The following NID2 variants were observed in gnomAD, a reference collection of about 807,000 sequenced individuals.
The protein encoded by NID2 is nidogen 2.
Under a neutral mutation model 145.4 loss-of-function variants are expected in NID2, and 83 were observed. That is an observed-to-expected ratio of 0.57 (90% confidence interval 0.48 to 0.69). NID2 has a LOEUF of 0.69. NID2 is among the 30% of genes least tolerant of loss of function. NID2 has a pLI of 0.00. For missense variants in NID2, 1,807 were observed against 1,765.7 expected (o/e 1.02, Z -0.42); for synonymous variants, 739 against 701.3 (o/e 1.05, Z -0.85).
intron 16 of NID2, 185 bp from the exon 17 acceptor site, chr14:52,011,868 T>A: frequency 1.5e-6 from 1 of 657,468 alleles, no homozygotes; most frequent in Non-Finnish European, 2.6e-6. Flanking sequence ...TTAGTAGCCA[T>A]GTGGCTTTGG....
chr14:52,056,797 A>C (rs538839200), intron 3 of NID2, among the ~76,000 whole-genome samples: 1 of 152,306 alleles, frequency 6.6e-6, no homozygotes, highest in South Asian at 2.1e-4. Context: ...ATCTCAAAAA[A>C]ATAAATAAAT....
chr14:52,006,515 G>T (rs758423156), intron 20 of NID2, 22 bp downstream of exon 20: 1 of 1,612,828 alleles, frequency 6.2e-7, no homozygotes, highest in Non-Finnish European at 8.5e-7. Context: ...TTTCAGGCTT[G>T]TCCAGAATTT....
chr14:52,024,423 A>C lies in NID2; in HGVS notation c.2674+2778T>G, dbSNP rs56082481. Among the ~76,000 whole-genome samples the C allele has an allele frequency of 5.7e-3, 875 of 152,328 alleles. 8 individuals are homozygous for C. The highest frequency in any genetic ancestry group is 0.02 in the African/African-American group (838 of 41,576). On this transcript the variant is annotated intron_variant, in intron 12 of 21. Coordinates refer to ENST00000216286, the MANE Select transcript of NID2 (RefSeq NM_007361.4). ...CAACCAGCAAGGAACCAAGGCTTTCAATCCAATGGTCCTCAAAGAACCGAA... is the reference window on the plus strand; with the variant it reads ...CAACCAGCAAGGAACCAAGGCTTTCCATCCAATGGTCCTCAAAGAACCGAA...
rs895082663 is a variant in NID2 at position 52,047,367 on chromosome 14, T to G, written c.1430-4436A>C. On this transcript the variant is annotated intron_variant, in intron 5 of 21. Coordinates refer to ENST00000216286, the MANE Select transcript of NID2 (RefSeq NM_007361.4). ...GAGGTGAGGGAGTGAACCCCACAGA[T>G]GAGGGCAGGCGTGGTGCTGTGTCAG... Among the ~76,000 whole-genome samples, 4 of 151,622 alleles carry G rather than the reference T, an allele frequency of 2.6e-5. No homozygotes were observed. The East Asian group carries it at 5.8e-4, about 22-fold the overall frequency.
intron 5 of NID2, among the ~76,000 whole-genome samples, chr14:52,043,951 G>C (rs879382448): frequency 6.6e-6 from 1 of 152,142 alleles, no homozygotes; most frequent in Non-Finnish European, 1.5e-5. Flanking sequence ...ATGCTGTTGA[G>C]CAGGGATGGC....
chr14:52,006,015 C>CTTA (rs1890765358), intron 20 of NID2, 166 bp from the exon 21 acceptor site: 1 of 607,542 alleles, frequency 1.6e-6, no homozygotes, highest in East Asian at 2.8e-5. Flanking sequence ...TGCTCTAAAT[C>CTTA]CATTGCTCAT....
At chr14:52,011,116 C>T (rs890160290) in intron 17 of NID2, 69 bp from the exon 18 acceptor site, 31 of 1,514,720 alleles carry the variant, frequency 2.0e-5, no homozygotes, top group Middle Eastern at 3.9e-4. Flanking sequence ...AGCCCTCCAA[C>T]GGTCGGGTGG....
chr14:52,005,785 G>A lies in NID2; in HGVS notation c.4069C>T (p.Arg1357Ter), dbSNP rs1292327175. ...QFTDEYLPEQ[R>*]SHLYGITAVY... ...GCAGTTATCCCGTAGAGGTGAGATCGTTGTTCTGGGAGATACTCATCAGTA... is the reference window on the plus strand; with the variant it reads ...GCAGTTATCCCGTAGAGGTGAGATCATTGTTCTGGGAGATACTCATCAGTA... The change falls in exon 21 of 22, where the codon CGA (arginine) becomes TGA (stop). Residue 1357 changes from arginine (R) to a stop codon, truncating the protein, a stop_gained. Transcript: ENST00000216286. LOFTEE classifies it high-confidence loss of function. 5 of 1,613,874 alleles carry A rather than the reference G, an allele frequency of 3.1e-6. No individual in the cohort carries two copies. Among genetic ancestry groups the A allele is most frequent in the Admixed American group, 1.7e-5 (1 of 60,008 alleles).
Position 52,015,169 on chromosome 14 carries a change from G to A in NID2, c.3135C>T (p.Asp1045=), listed in dbSNP as rs367562095. ...ACTGCAGGGGGATGAAGTGGCCCAGGTCATCGCACTGGGGCACGTACTGGT... is the reference window on the plus strand; with the variant it reads ...ACTGCAGGGGGATGAAGTGGCCCAGATCATCGCACTGGGGCACGTACTGGT... ...RDDQYVPQCD[D]LGHFIPLQCH... The change falls in exon 15 of 22, where the codon GAC becomes GAT. Residue 1045 remains aspartate (D), a synonymous_variant. Transcript: ENST00000216286. 7 of 1,614,068 alleles carry A rather than the reference G, an allele frequency of 4.3e-6. No homozygotes were observed. Among genetic ancestry groups the A allele is most frequent in the Non-Finnish European group, 5.9e-6 (7 of 1,179,994 alleles).
Position 52,032,804 on chromosome 14 carries a change from G to GAAAAAAAAAA in NID2, c.2258-3124_2258-3115dup, listed in dbSNP as rs3030384. Among the ~76,000 whole-genome samples, 39 of 141,846 alleles carry GAAAAAAAAAA rather than the reference G, an allele frequency of 2.7e-4. 1 individual carries two copies. The highest frequency in any genetic ancestry group is 9.4e-4 in the African/African-American group (35 of 37,226). 93.1% of individuals were successfully genotyped at this position (141,846 alleles called of 152,430 possible). On this transcript the variant is annotated intron_variant, in intron 9 of 21. Transcript: ENST00000216286. ...CTTACCACCCTGCTAGGCATTAAAA[G>GAAAAAAAAAA]AAAAAAAAAAAATCTCAGCTCAAAA... is the stretch of plus-strand genomic sequence containing the variant.
chr14:52,054,160 T>TA lies in NID2; in HGVS notation c.928dup (p.Tyr310LeufsTer2). 6.2e-7 allele frequency: 1 copy of TA among 1,614,164 alleles called. No individual in the cohort carries two copies. On this transcript the variant is annotated frameshift_variant, in exon 4 of 22. Coordinates refer to ENST00000216286, the MANE Select transcript of NID2 (RefSeq NM_007361.4). LOFTEE classifies it high-confidence loss of function. ...ATAGTAATCCAAATTGTCCTCATTA[T>TA]AGTCACTTTCCAGGGCTGTAGCATG...
At chr14:52,028,599 T>G in intron 11 of NID2, 123 bp downstream of exon 11, 1 of 1,136,668 alleles carries the variant, frequency 8.8e-7, no homozygotes, top group Middle Eastern at 2.1e-4. Flanking sequence ...TGATGTAAAC[T>G]GTCTTCTTAA....
At chr14:52,066,515 A>T (rs4901190) in intron 2 of NID2, among the ~76,000 whole-genome samples, 20,326 of 152,146 alleles carry the variant, frequency 0.13, 1,930 homozygotes, top group East Asian at 0.25. Flanking sequence ...ATTCTCCAAG[A>T]TGTGATTATT....
At chr14:52,014,264 C>A (rs375395579) in intron 16 of NID2, 23 bp downstream of exon 16, 7 of 1,614,084 alleles carry the variant, frequency 4.3e-6, no homozygotes, top group South Asian at 1.1e-5. Context: ...AGCCCTGCCC[C>A]CTACAGGAGA....
At chr14:52,037,205 A>C (rs946133451) in intron 9 of NID2, among the ~76,000 whole-genome samples, 6 of 152,230 alleles carry the variant, frequency 3.9e-5, no homozygotes, top group African/African-American at 1.4e-4. Flanking sequence ...TCCCAGCACC[A>C]TAGTTAACAA....
At chr14:52,028,924 G>T in intron 10 of NID2, 74 bp from the exon 11 acceptor site, 1 of 1,483,954 alleles carries the variant, frequency 6.7e-7, no homozygotes, top group Non-Finnish European at 9.2e-7. Context: ...AAAACTCAAT[G>T]TTTTCTCACT....
At chr14:52,032,995 A>C (rs1891922963) in intron 9 of NID2, among the ~76,000 whole-genome samples, 1 of 152,210 alleles carries the variant, frequency 6.6e-6, no homozygotes, top group Non-Finnish European at 1.5e-5. Flanking sequence ...GTTCAAAGCA[A>C]AGCGTTAAAC....
intron 5 of NID2, among the ~76,000 whole-genome samples, chr14:52,049,173 C>CA (rs1555365471): frequency 1.3e-5 from 2 of 150,400 alleles, no homozygotes; most frequent in East Asian, 3.9e-4. Flanking sequence ...TTTTAAATCT[C>CA]TTTTTTTTCT....
intron 2 of NID2, among the ~76,000 whole-genome samples, chr14:52,062,367 C>T (rs1166364739): frequency 6.6e-6 from 1 of 152,058 alleles, no homozygotes; most frequent in Non-Finnish European, 1.5e-5. Context: ...TTGACTTTTC[C>T]AAAAACAAAA....
Sources: allele counts gnomAD v4.1 joint callset (sites outside exome capture counted in the v4.1 genomes callset), GRCh38; gene constraint gnomAD v4.1.1; transcripts MANE v1.5; gene names NCBI Gene and HGNC (gene_info 2026-07-23, HGNC 2026-07-21).